HSD17B12: variants seen among roughly 807,000 people sequenced by gnomAD.
The protein encoded by HSD17B12 is very-long-chain 3-oxoacyl-CoA reductase.
A neutral mutation model predicts 39.3 loss-of-function variants in HSD17B12; 32 were observed. The ratio of observed to expected loss-of-function variants is 0.81; its 90% CI spans 0.61 to 1.09. The LOEUF is 1.09. HSD17B12 is among the 50% of genes least tolerant of loss of function. The pLI, the probability that HSD17B12 is intolerant of heterozygous loss-of-function variation, is 0.00. For missense variants in HSD17B12, 342 were observed against 382.9 expected (o/e 0.89, Z 0.89); for synonymous variants, 150 against 146.7 (o/e 1.02, Z -0.16).
intron 1 of HSD17B12, among the ~76,000 whole-genome samples, chr11:43,701,353 T>C (rs1949962349): frequency 6.6e-6 from 1 of 152,218 alleles, no homozygotes; most frequent in Admixed American, 6.5e-5. Flanking sequence ...ATCCCATTTG[T>C]CCATTTTTGC....
intron 6 of HSD17B12, chr11:43,830,523 A>G (rs1440739141): frequency 6.6e-6 from 1 of 152,502 alleles, no homozygotes; most frequent in Admixed American, 6.5e-5. Context: ...TTGCCAACCT[A>G]CCACTTTATC....
the HSD17B12 span, among the ~76,000 whole-genome samples, chr11:43,674,785 C>G: frequency 1.3e-5 from 2 of 152,190 alleles, no homozygotes; most frequent in Non-Finnish European, 2.9e-5. Context: ...TTGCTTTCTC[C>G]TCTACCACAC....
chr11:43,795,444 A>G (rs1950907959), intron 3 of HSD17B12, among the ~76,000 whole-genome samples: 1 of 152,128 alleles, frequency 6.6e-6, no homozygotes, highest in Admixed American at 6.5e-5. Context: ...TTTTTGATTC[A>G]CAGAACTCGA....
intron 3 of HSD17B12, among the ~76,000 whole-genome samples, chr11:43,782,599 C>T (rs187840051): frequency 1.1e-4 from 16 of 149,848 alleles, no homozygotes; most frequent in Admixed American, 2.7e-4. Flanking sequence ...TTGCTTGAAC[C>T]GGGAGGCAAA....
chr11:43,740,497 T>C (rs1485669049), intron 1 of HSD17B12, among the ~76,000 whole-genome samples: 1 of 152,184 alleles, frequency 6.6e-6, no homozygotes, highest in Non-Finnish European at 1.5e-5. Flanking sequence ...TGATAAACAG[T>C]AAAAGAAGAA....
At chr11:43,632,459 G>A in the HSD17B12 span, among the ~76,000 whole-genome samples, 1 of 152,184 alleles carries the variant, frequency 6.6e-6, no homozygotes, top group East Asian at 1.9e-4. Context: ...TGATGTCATT[G>A]GAAGGGTGTG....
At chr11:43,676,809 T>C (rs1949698110), upstream of HSD17B12, among the ~76,000 whole-genome samples, 1 of 152,158 alleles carries the variant, frequency 6.6e-6, no homozygotes, top group Admixed American at 6.5e-5. Context: ...GACAGACATA[T>C]GCAACAAAAA....
At chr11:43,713,457 C>T (rs1950089745) in intron 1 of HSD17B12, among the ~76,000 whole-genome samples, 1 of 152,060 alleles carries the variant, frequency 6.6e-6, no homozygotes, top group African/African-American at 2.4e-5. Context: ...AGGACATGAA[C>T]TCATCCTTTT....
chr11:43,813,738 G>A (rs1951094443), intron 4 of HSD17B12, among the ~76,000 whole-genome samples: 1 of 152,132 alleles, frequency 6.6e-6, no homozygotes, highest in African/African-American at 2.4e-5. Flanking sequence ...GGTGGGTGGA[G>A]AACCTATTGA....
At chr11:43,698,659 G>T (rs1949934817) in intron 1 of HSD17B12, among the ~76,000 whole-genome samples, 1 of 152,128 alleles carries the variant, frequency 6.6e-6, no homozygotes, top group African/African-American at 2.4e-5. Context: ...TCTATCAAAT[G>T]TGTTCAAAAA....
chr11:43,669,337 CT>C, the HSD17B12 span, among the ~76,000 whole-genome samples: 1 of 152,042 alleles, frequency 6.6e-6, no homozygotes, highest in Admixed American at 6.6e-5. Flanking sequence ...CCCGTCTCTA[CT>C]AAAAATACAA....
chr11:43,671,323 G>T, the HSD17B12 span, among the ~76,000 whole-genome samples: 1 of 152,194 alleles, frequency 6.6e-6, no homozygotes, highest in Non-Finnish European at 1.5e-5. Flanking sequence ...GGGATTACAG[G>T]CTTGTGCCAC....
At chr11:43,748,571 T>G (rs1950437271) in intron 1 of HSD17B12, among the ~76,000 whole-genome samples, 1 of 152,188 alleles carries the variant, frequency 6.6e-6, no homozygotes, top group Non-Finnish European at 1.5e-5. Context: ...TATTCCCATG[T>G]AACAAACCTC....
chr11:43,586,901 A>T, the HSD17B12 span, among the ~76,000 whole-genome samples: 1 of 152,218 alleles, frequency 6.6e-6, no homozygotes, highest in African/African-American at 2.4e-5. Context: ...CTCCCATTTC[A>T]GAGATACACT....
At chr11:43,648,653 T>A in the HSD17B12 span, among the ~76,000 whole-genome samples, 285 of 152,300 alleles carry the variant, frequency 1.9e-3, 2 homozygotes, top group Non-Finnish European at 1.7e-3. Context: ...TCTAAAAAAA[T>A]TTTTTTTATT....
At chr11:43,594,596 C>G in the HSD17B12 span, among the ~76,000 whole-genome samples, 1 of 150,748 alleles carries the variant, frequency 6.6e-6, no homozygotes, top group African/African-American at 2.4e-5. Context: ...CTGTGCTGCT[C>G]CTTGTAGACT....
chr11:43,592,833 C>A, the HSD17B12 span, among the ~76,000 whole-genome samples: 1 of 151,656 alleles, frequency 6.6e-6, no homozygotes, highest in South Asian at 2.1e-4. Flanking sequence ...ATTTTTCTTT[C>A]TCTTAAAGGG....
intron 1 of HSD17B12, among the ~76,000 whole-genome samples, chr11:43,707,198 G>A (rs970780425): frequency 6.6e-6 from 1 of 152,228 alleles, no homozygotes; most frequent in Non-Finnish European, 1.5e-5. Context: ...TGAACAAAAT[G>A]GGCAAAGTCT....
intron 8 of HSD17B12, among the ~76,000 whole-genome samples, chr11:43,839,589 T>C (rs1294808831): frequency 6.6e-6 from 1 of 152,162 alleles, no homozygotes; most frequent in Non-Finnish European, 1.5e-5. Context: ...TTCTGTTCTT[T>C]TTAGCAACAA....
Sources: gnomAD v4.1 joint callset for allele counts (sites outside exome capture counted in the v4.1 genomes callset) on GRCh38, gnomAD v4.1.1 for gene constraint, MANE v1.5 for transcripts, NCBI Gene and HGNC (gene_info 2026-07-23, HGNC 2026-07-21) for gene names.